The following NUDT6 variants were observed in gnomAD, a reference collection of about 807,000 sequenced individuals.
NUDT6 encodes nudix hydrolase 6, also known as FAD diphosphatase NUDT6.
A neutral mutation model predicts 36.8 loss-of-function variants in NUDT6; 24 were observed. The observed-to-expected ratio is 0.65, with a 90% CI of 0.47 to 0.92. The LOEUF is 0.92. Among genes scored for constraint, NUDT6 ranks in the 40% least tolerant of loss-of-function variants. The pLI, the probability that NUDT6 is intolerant of heterozygous loss-of-function variation, is 0.00. For synonymous variants in NUDT6, 163 were observed against 157.0 expected (o/e 1.04, Z -0.29); for missense variants, 388 against 392.8 (o/e 0.99, Z 0.10).
chr4:122,922,500 C>A lies in NUDT6; in HGVS notation c.73G>T (p.Gly25Cys). 6.2e-7 allele frequency: 1 copy of A among 1,610,318 alleles called. No individual in the cohort carries two copies. The highest frequency in any genetic ancestry group is 8.5e-7 in the Non-Finnish European group (1 of 1,179,702). The change falls in exon 1 of 5, where the codon GGT becomes TGT. Residue 25 changes from glycine to cysteine, a missense_variant. Transcript: ENST00000304430. Reference protein sequence around the residue: ...ARTYGPGPSAGYRWASGAQGY... With the variant: ...ARTYGPGPSACYRWASGAQGY... ...TGTGCGCCCGAGGCCCAGCGGTAACCCGCCGAAGGCCCGGGGCCGTAGGTT... is the reference window on the plus strand; with the variant it reads ...TGTGCGCCCGAGGCCCAGCGGTAACACGCCGAAGGCCCGGGGCCGTAGGTT...
At chr4:122,899,169 A>G (rs1004191486) in intron 3 of NUDT6, among the ~76,000 whole-genome samples, 4 of 150,880 alleles carry the variant, frequency 2.7e-5, no homozygotes, top group African/African-American at 9.7e-5. Context: ...GTGAGCTACC[A>G]TAACCAGCCT....
rs1044941284 is a variant in NUDT6 at position 122,922,345 on chromosome 4, C to T, written c.228G>A (p.Lys76=). The T allele has an allele frequency of 6.2e-7, 1 of 1,600,962 alleles. No individual in the cohort carries two copies. The highest frequency in any genetic ancestry group is 8.5e-7 in the Non-Finnish European group (1 of 1,178,654). Residue 76 remains lysine, a synonymous_variant, in exon 1 of 5, where the codon AAG becomes AAA. Coordinates refer to ENST00000304430, the MANE Select transcript of NUDT6 (RefSeq NM_007083.5). The stretch of plus-strand genomic sequence containing the variant: ...CCCAGGCGCACTTGCCCTGCAAGCC[C>T]TTCTGGAAGGCGGCAGCGTCCAGGC... ...LDRLDAAAFQ[K]GLQAAVQQWR...
At chr4:122,907,208 G>A (rs1391151598) in intron 3 of NUDT6, among the ~76,000 whole-genome samples, 2 of 152,098 alleles carry the variant, frequency 1.3e-5, no homozygotes, top group African/African-American at 4.8e-5. Context: ...TCAGGTTTCG[G>A]CAACGTCTGC....
intron 1 of NUDT6, chr4:122,921,619 C>CAAA (rs758469782): frequency 2.5e-4 from 12 of 48,010 alleles, no homozygotes; most frequent in African/African-American, 5.9e-4. Context: ...AAAAAAAAAA[C>CAAA]AAACTGTACA....
chr4:122,897,462 T>C (rs997869608), intron 4 of NUDT6, 162 bp downstream of exon 4: 1 of 643,910 alleles, frequency 1.6e-6, no homozygotes. Flanking sequence ...TTAGAAATTA[T>C]GCTGCTAATT....
intron 4 of NUDT6, 80 bp from the exon 5 acceptor site, chr4:122,893,305 AG>A (rs1727247555): frequency 7.3e-7 from 1 of 1,378,814 alleles, no homozygotes; most frequent in Admixed American, 2.4e-5. Context: ...CAGTTAAAGT[AG>A]CATTATGTAA....
chr4:122,912,593 A>G lies in NUDT6; in HGVS notation c.473T>C (p.Ile158Thr), dbSNP rs1727752038. The change falls in exon 3 of 5, where the codon ATA becomes ACA. Residue 158 changes from isoleucine (I) to threonine (T), a missense_variant. Ile to Thr is a moderately conservative substitution (Grantham distance 89). Transcript: ENST00000304430. ...TTTATTTCGATCTTGTACAACCAGTATTTTTCTAGTACTTTCATCAAATAC... is the reference window on the plus strand; with the variant it reads ...TTTATTTCGATCTTGTACAACCAGTGTTTTTCTAGTACTTTCATCAAATAC... ...GAVFDESTRK[I>T]LVVQDRNKLK... 2 of 1,593,600 alleles carry G rather than the reference A, an allele frequency of 1.3e-6. No homozygotes were observed. The highest frequency in any genetic ancestry group is 1.1e-5 in the South Asian group (1 of 90,326).
At chr4:122,922,302 G>A (rs1283110955) in intron 1 of NUDT6, 33 bp downstream of exon 1, 1 of 1,558,510 alleles carries the variant, frequency 6.4e-7, no homozygotes, top group Non-Finnish European at 8.7e-7. Context: ...AAGCTCTGGA[G>A]CCCCGGGAGC....
chr4:122,907,925 A>G (rs915297377), intron 3 of NUDT6, among the ~76,000 whole-genome samples: 3 of 152,184 alleles, frequency 2.0e-5, no homozygotes, highest in African/African-American at 7.2e-5. Context: ...CCCCACTCAC[A>G]GCACTTGGAG....
Position 122,922,597 on chromosome 4 carries a change from T to A in NUDT6, c.-25A>T, listed in dbSNP as rs767231439. 1.9e-6 allele frequency: 3 copies of A among 1,571,454 alleles called. No homozygotes were observed. Among genetic ancestry groups the A allele is most frequent in the Non-Finnish European group, 2.6e-6 (3 of 1,160,788 alleles). Reference sequence around the variant, plus strand: ...TCTCCACGCCGCTTAATTCGTCCGTTGCCCAAATGACCCCTCCGCGCTCCA... The same window carrying A: ...TCTCCACGCCGCTTAATTCGTCCGTAGCCCAAATGACCCCTCCGCGCTCCA... On this transcript the variant is annotated 5_prime_UTR_variant, in exon 1 of 5. Coordinates refer to ENST00000304430, the MANE Select transcript of NUDT6 (RefSeq NM_007083.5).
At chr4:122,918,410 TTA>T (rs1034216947) in intron 1 of NUDT6, 11 of 152,252 alleles carry the variant, frequency 7.2e-5, no homozygotes, top group African/African-American at 2.6e-4. Context: ...TCCAAGCACT[TTA>T]TATATATTAT....
chr4:122,915,469 C>CAAAAAAAAAAAAAAAAA (rs61032259), intron 2 of NUDT6, among the ~76,000 whole-genome samples: 3 of 42,250 alleles, frequency 7.1e-5, no homozygotes, highest in African/African-American at 2.0e-4. Context: ...GACCCTGCCT[C>CAAAAAAAAAAAAAAAAA]AAAAAAAAAA....
At chr4:122,919,987 C>T (rs564238308) in intron 1 of NUDT6, 1 of 152,184 alleles carries the variant, frequency 6.6e-6, no homozygotes, top group Non-Finnish European at 1.5e-5. Flanking sequence ...AGTGCTATTT[C>T]ATTACTGATG....
At position 122,893,215 on chromosome 4, in the gene NUDT6, C is replaced by A. The variant is rs200650453; in HGVS notation, c.564G>T (p.Ala188=). 3 of 1,602,752 alleles carry A rather than the reference C, an allele frequency of 1.9e-6. No homozygotes were observed. The highest frequency in any genetic ancestry group is 2.6e-6 in the Non-Finnish European group (3 of 1,172,984). The change falls in exon 5 of 5, where the codon GCG becomes GCT. Residue 188 remains alanine, a synonymous_variant. Transcript: ENST00000304430. ...CAGTCTCTTCAAAAACTTCTCGAAC[C>A]GCTGTGTCTCCTACGTAAAAAAAGA... ...SEPEEDIGDT[A]VREVFEETGI...
At position 122,922,504 on chromosome 4, in the gene NUDT6, C is replaced by A. The variant is rs1045283107; in HGVS notation, c.69G>T (p.Ser23=). The part of the protein sequence containing the change: ...MLARTYGPGP[S]AGYRWASGAQ... ...CGCCCGAGGCCCAGCGGTAACCCGCCGAAGGCCCGGGGCCGTAGGTTCGGG... is the reference window on the plus strand; with the variant it reads ...CGCCCGAGGCCCAGCGGTAACCCGCAGAAGGCCCGGGGCCGTAGGTTCGGG... Residue 23 remains serine (S), a synonymous_variant, in exon 1 of 5, where the codon TCG becomes TCT. Transcript: ENST00000304430. The A allele has an allele frequency of 6.2e-7, 1 of 1,610,090 alleles. No individual in the cohort carries two copies. Among genetic ancestry groups the A allele is most frequent in the African/African-American group, 1.3e-5 (1 of 74,920 alleles).
In NUDT6 at chr4:122,897,682, C is replaced by T. The variant is rs767282153; in HGVS notation, c.499-4G>A. 37 of 1,595,472 alleles carry T rather than the reference C, an allele frequency of 2.3e-5. No individual in the cohort carries two copies. The highest frequency in any genetic ancestry group is 2.6e-5 in the Non-Finnish European group (30 of 1,163,104). ...GAAACTTCCACATATTTTTCAACTGCAGTATAAAGTCAGAAAATAAAGTTA... is the reference window on the plus strand; with the variant it reads ...GAAACTTCCACATATTTTTCAACTGTAGTATAAAGTCAGAAAATAAAGTTA... On this transcript the variant is annotated splice_polypyrimidine_tract_variant and splice_region_variant and intron_variant, in intron 3 of 4. Coordinates refer to ENST00000304430, the MANE Select transcript of NUDT6 (RefSeq NM_007083.5).
At position 122,902,539 on chromosome 4, in the gene NUDT6, G is replaced by A. The variant is rs538522247; in HGVS notation, c.499-4861C>T. 1.3e-3 allele frequency among the ~76,000 whole-genome samples: 201 copies of A among 152,016 alleles called. 1 individual carries two copies. Among genetic ancestry groups the A allele is most frequent in the African/African-American group, 3.4e-3 (141 of 41,456 alleles). ...TCTCCACCTTATATAATATTCATTC[G>A]TTTTATTATTTGTATCTTATGCATT... is the stretch of plus-strand genomic sequence containing the variant. On this transcript the variant is annotated intron_variant, in intron 3 of 4. Coordinates refer to ENST00000304430, the MANE Select transcript of NUDT6 (RefSeq NM_007083.5).
chr4:122,907,583 G>A (rs1467077269), intron 3 of NUDT6, among the ~76,000 whole-genome samples: 1 of 151,040 alleles, frequency 6.6e-6, no homozygotes, highest in Non-Finnish European at 1.5e-5. Flanking sequence ...CCTGAGTGGC[G>A]GGAACTACAG....
intron 2 of NUDT6, among the ~76,000 whole-genome samples, chr4:122,916,813 T>C (rs377716182): frequency 1.2e-4 from 18 of 152,324 alleles, no homozygotes; most frequent in African/African-American, 3.6e-4. Context: ...ATCACTACTC[T>C]TGTGCTTCGG....
Sources: gnomAD v4.1 joint callset for allele counts (sites outside exome capture counted in the v4.1 genomes callset) on GRCh38, gnomAD v4.1.1 for gene constraint, MANE v1.5 for transcripts, NCBI Gene and HGNC (gene_info 2026-07-23, HGNC 2026-07-21) for gene names.